LINGO2: variants seen among roughly 807,000 people sequenced by gnomAD.
LINGO2 encodes leucine rich repeat and Ig domain containing 2.
Under a neutral mutation model 30.6 loss-of-function variants are expected in LINGO2, and 14 were observed. The observed-to-expected ratio is 0.46, with a 90% CI of 0.30 to 0.72. LINGO2 has a LOEUF of 0.72. Among genes scored for constraint, LINGO2 ranks in the 30% least tolerant of loss-of-function variants. The pLI, the probability that LINGO2 is intolerant of heterozygous loss-of-function variation, is 0.07. For missense variants in LINGO2, 729 were observed against 751.7 expected (o/e 0.97, Z 0.35); for synonymous variants, 317 against 288.5 (o/e 1.10, Z -1.00).
intron 1 of LINGO2, among the ~76,000 whole-genome samples, chr9:28,655,019 T>C (rs1411129581): frequency 6.6e-6 from 1 of 152,118 alleles, no homozygotes; most frequent in African/African-American, 2.4e-5. Context: ...AAATAGGCTA[T>C]TAAACTTTTT....
At chr9:28,128,440 G>A (rs1386635790) in intron 4 of LINGO2, among the ~76,000 whole-genome samples, 1 of 152,174 alleles carries the variant, frequency 6.6e-6, no homozygotes, top group African/African-American at 2.4e-5. Context: ...TCTTATATAT[G>A]TAGGTGAAAA....
chr9:28,125,974 T>C (rs1459934735), intron 4 of LINGO2, among the ~76,000 whole-genome samples: 3 of 152,176 alleles, frequency 2.0e-5, no homozygotes, highest in Admixed American at 1.3e-4. Context: ...TCCATATCAA[T>C]AGGATCTCAA....
intron 4 of LINGO2, among the ~76,000 whole-genome samples, chr9:28,025,951 C>T (rs1563922601): frequency 6.6e-6 from 1 of 152,164 alleles, no homozygotes; most frequent in Non-Finnish European, 1.5e-5. Context: ...CCTTCAGTGG[C>T]TTTCCATTTC....
chr9:28,397,978 T>G (rs1487013365), intron 2 of LINGO2, among the ~76,000 whole-genome samples: 1 of 152,214 alleles, frequency 6.6e-6, no homozygotes, highest in Non-Finnish European at 1.5e-5. Context: ...TAGGCTTTAA[T>G]AAATGTCATT....
intron 1 of LINGO2, among the ~76,000 whole-genome samples, chr9:28,543,148 G>A (rs1821780182): frequency 6.6e-6 from 1 of 151,964 alleles, no homozygotes; most frequent in Non-Finnish European, 1.5e-5. Context: ...AAGACAGTAG[G>A]GAATATGAGA....
At chr9:28,704,288 C>T in the LINGO2 span, among the ~76,000 whole-genome samples, 1 of 152,006 alleles carries the variant, frequency 6.6e-6, no homozygotes, top group East Asian at 1.9e-4. Flanking sequence ...CAAATAAGAT[C>T]TAATTCTTAT....
chr9:28,438,967 TTATA>T, intron 2 of LINGO2, among the ~76,000 whole-genome samples: 1 of 146,944 alleles, frequency 6.8e-6, no homozygotes, highest in East Asian at 2.0e-4. Flanking sequence ...TATGTGTACA[TTATA>T]TATAATGAAA....
At chr9:28,831,081 T>G in the LINGO2 span, among the ~76,000 whole-genome samples, 1 of 152,182 alleles carries the variant, frequency 6.6e-6, no homozygotes, top group Admixed American at 6.5e-5. Flanking sequence ...TGTAAGGGAT[T>G]CTGCAAGCTA....
chr9:28,299,508 G>A (rs1748771786), intron 3 of LINGO2, among the ~76,000 whole-genome samples: 1 of 152,016 alleles, frequency 6.6e-6, no homozygotes. Context: ...TCAGTAGGCA[G>A]AGGTCATTAA....
At chr9:28,110,828 C>A (rs142133525) in intron 4 of LINGO2, among the ~76,000 whole-genome samples, 1 of 152,080 alleles carries the variant, frequency 6.6e-6, no homozygotes, top group Non-Finnish European at 1.5e-5. Flanking sequence ...GACAGTATGG[C>A]GATTCCTCAA....
At chr9:28,544,304 C>T (rs1453452002) in intron 1 of LINGO2, among the ~76,000 whole-genome samples, 1 of 152,104 alleles carries the variant, frequency 6.6e-6, no homozygotes, top group Non-Finnish European at 1.5e-5. Flanking sequence ...GTTGCCAGTT[C>T]TGTAATCTGA....
chr9:28,855,512 A>C, the LINGO2 span, among the ~76,000 whole-genome samples: 2 of 152,050 alleles, frequency 1.3e-5, no homozygotes. Context: ...AAGATCAGGT[A>C]AGTTTTATAA....
At chr9:28,257,269 A>G (rs10121429) in intron 4 of LINGO2, among the ~76,000 whole-genome samples, 6,414 of 151,846 alleles carry the variant, frequency 0.042, 429 homozygotes, top group African/African-American at 0.15. Context: ...GATTTAGTAT[A>G]AAACATGTTT....
the LINGO2 span, among the ~76,000 whole-genome samples, chr9:28,860,905 C>CTTA: frequency 5.0e-5 from 7 of 141,392 alleles, no homozygotes; most frequent in Non-Finnish European, 9.0e-5. Flanking sequence ...TTAAATAAGA[C>CTTA]TTAAGCTCTA....
At chr9:28,273,474 T>C (rs1317541895) in intron 4 of LINGO2, among the ~76,000 whole-genome samples, 2 of 152,156 alleles carry the variant, frequency 1.3e-5, no homozygotes, top group South Asian at 2.1e-4. Context: ...GGTAACCAAA[T>C]AGTAGTGAGC....
Position 28,346,212 on chromosome 9 carries a change from C to G in LINGO2, c.-246+26624G>C, listed in dbSNP as rs114580000. Among the ~76,000 whole-genome samples the G allele has an allele frequency of 3.0e-3, 450 of 152,300 alleles. 4 individuals are homozygous for G. Among genetic ancestry groups the G allele is most frequent in the African/African-American group, 0.01 (431 of 41,574 alleles). Reference sequence around the variant, plus strand: ...TCCTCTACTTCCTCCCACCCTCAGTCTTCAAGTAGGCCCCACTGTCTGTTG... The same window carrying G: ...TCCTCTACTTCCTCCCACCCTCAGTGTTCAAGTAGGCCCCACTGTCTGTTG... On this transcript the variant is annotated intron_variant, in intron 3 of 5. Transcript: ENST00000379992.
intron 5 of LINGO2, among the ~76,000 whole-genome samples, chr9:28,000,548 C>CT (rs1338894693): frequency 2.0e-5 from 3 of 152,210 alleles, no homozygotes; most frequent in African/African-American, 7.2e-5. Context: ...TGGTTCCATG[C>CT]TTGTCAAATG....
intron 3 of LINGO2, among the ~76,000 whole-genome samples, chr9:28,301,633 A>G (rs1356483234): frequency 1.3e-5 from 2 of 149,408 alleles, no homozygotes; most frequent in African/African-American, 4.8e-5. Flanking sequence ...GCATTTTCCC[A>G]CAACTTTTAA....
the LINGO2 span, among the ~76,000 whole-genome samples, chr9:28,707,623 G>A: frequency 6.6e-6 from 1 of 152,118 alleles, no homozygotes; most frequent in Admixed American, 6.6e-5. Flanking sequence ...AAGGGTGGTG[G>A]CTAGGTCTGC....
Sources: allele counts gnomAD v4.1 joint callset (sites outside exome capture counted in the v4.1 genomes callset), GRCh38; gene constraint gnomAD v4.1.1; transcripts MANE v1.5; gene names NCBI Gene and HGNC (gene_info 2026-07-23, HGNC 2026-07-21).